Variants in MED15 observed in about 807,000 individuals in gnomAD.
The protein encoded by MED15 is mediator complex subunit 15, also known as mediator of RNA polymerase II transcription subunit 15.
In MED15, 41 loss-of-function variants were observed where a neutral mutation model predicts 118.7. The ratio of observed to expected loss-of-function variants is 0.35; its 90% confidence interval spans 0.27 to 0.45. The LOEUF (loss-of-function observed/expected upper bound fraction) is 0.45, where lower values mean the gene tolerates loss of function less well. Among genes scored for constraint, MED15 ranks in the 20% least tolerant of loss-of-function variants. The pLI is 1.00. For missense variants in MED15, 740 were observed against 1,025.5 expected (o/e 0.72, Z 3.80); for synonymous variants, 436 against 413.9 (o/e 1.05, Z -0.65).
chr22:20,546,971 T>C (rs1261223571), intron 2 of MED15, among the ~76,000 whole-genome samples: 1 of 152,164 alleles, frequency 6.6e-6, no homozygotes, highest in Admixed American at 6.5e-5. Context: ...GTTTTTGAAA[T>C]AACAGCAACA....
chr22:20,562,928 C>T (rs550571526), intron 5 of MED15, among the ~76,000 whole-genome samples: 5 of 151,204 alleles, frequency 3.3e-5, no homozygotes, highest in South Asian at 2.1e-4. Context: ...TCCAGCTACT[C>T]GGGAGGCTGA....
In MED15 at chr22:20,553,168, G is replaced by T. The variant is rs761336657; in HGVS notation, c.232G>T (p.Val78Phe). The change falls in exon 4 of 18, where the codon GTC (valine) becomes TTC (phenylalanine). Residue 78 changes from valine (V) to phenylalanine (F), a missense_variant. Around this residue, in one of 7 missense-constraint regions of MED15, gnomAD observed 117 missense variants for 124.6 expected, o/e 0.94. Coordinates refer to ENST00000263205, the MANE Select transcript of MED15 (RefSeq NM_001003891.3). ...AGATAACAAGAAATCTCAAGCTTCCGTCAGTGGTAAGAGTTTTCCCTTTTG... is the reference window on the plus strand; with the variant it reads ...AGATAACAAGAAATCTCAAGCTTCCTTCAGTGGTAAGAGTTTTCCCTTTTG... ...DIHNKKSQAS[V>F]SDPMNALQSL... is the part of the protein sequence containing the mutation. 1 of 1,611,754 alleles carries T rather than the reference G, an allele frequency of 6.2e-7. No homozygotes were observed. Among genetic ancestry groups the T allele is most frequent in the Non-Finnish European group, 8.5e-7 (1 of 1,178,786 alleles).
rs757798198 is a variant in MED15 at position 20,551,454 on chromosome 22, G to A, written c.175G>A (p.Val59Met). The change falls in exon 3 of 18, where the codon GTG becomes ATG. Residue 59 changes from valine to methionine, a missense_variant. Around this residue, in one of 7 missense-constraint regions of MED15, gnomAD observed 33 missense variants for 78.2 expected, o/e 0.42. Transcript: ENST00000263205. ...CTTTTAGGACGAATACCTTTCTCTC[G>A]TGGCCAGGCTCATTATCCATTTTCG... is the stretch of plus-strand genomic sequence containing the variant. ...AKTRDEYLSL[V>M]ARLIIHFRDI... 6 of 1,614,102 alleles carry A rather than the reference G, an allele frequency of 3.7e-6. No homozygotes were observed. The highest frequency in any genetic ancestry group is 5.1e-6 in the Non-Finnish European group (6 of 1,179,982).
At chr22:20,584,776 A>G (rs2057084670) in intron 14 of MED15, 79 bp from the exon 15 acceptor site, 2 of 1,537,780 alleles carry the variant, frequency 1.3e-6, no homozygotes, top group South Asian at 2.3e-5. Flanking sequence ...GTGAGTGACC[A>G]TGGGCCTGGG....
intron 2 of MED15, among the ~76,000 whole-genome samples, chr22:20,550,615 C>T (rs1471695938): frequency 6.6e-6 from 1 of 152,238 alleles, no homozygotes; most frequent in Admixed American, 6.5e-5. Context: ...TCCAGGCTGC[C>T]CTGCCAGAAG....
At chr22:20,531,835 G>A (rs1350871105) in intron 1 of MED15, among the ~76,000 whole-genome samples, 1 of 152,244 alleles carries the variant, frequency 6.6e-6, no homozygotes, top group Non-Finnish European at 1.5e-5. Flanking sequence ...CACAGACATG[G>A]GTGAGGTGGC....
At chr22:20,585,994 T>G (rs897406421) in intron 17 of MED15, among the ~76,000 whole-genome samples, 168 bp downstream of exon 17, 1 of 152,206 alleles carries the variant, frequency 6.6e-6, no homozygotes, top group African/African-American at 2.4e-5. Flanking sequence ...GCAGCGGGTT[T>G]TCCAGTGGTC....
intron 1 of MED15, among the ~76,000 whole-genome samples, chr22:20,527,647 G>T (rs1352347741): frequency 6.6e-6 from 1 of 151,902 alleles, no homozygotes; most frequent in Non-Finnish European, 1.5e-5. Context: ...TTGTGATGTT[G>T]CCCAGGCTGG....
Position 20,537,181 on chromosome 22 carries a change from G to A in MED15, c.133G>A (p.Val45Ile). ...ATCCAGCAAGGATATGGAGAGCCATGTTTTCCTGAAGGCCAAGACCCGGGT... is the reference window on the plus strand; with the variant it reads ...ATCCAGCAAGGATATGGAGAGCCATATTTTCCTGAAGGCCAAGACCCGGGT... ...SKSSKDMESH[V>I]FLKAKTRDEY... Residue 45 changes from valine (V) to isoleucine (I), a missense_variant, in exon 2 of 18, where the codon GTT (valine) becomes ATT (isoleucine). Transcript: ENST00000263205. 3 of 1,613,898 alleles carry A rather than the reference G, an allele frequency of 1.9e-6. No homozygotes were observed. Among genetic ancestry groups the A allele is most frequent in the Non-Finnish European group, 2.5e-6 (3 of 1,179,860 alleles).
chr22:20,553,319 G>A, intron 4 of MED15, 145 bp downstream of exon 4: 1 of 809,976 alleles, frequency 1.2e-6, no homozygotes, highest in South Asian at 1.7e-5. Flanking sequence ...GGAGGAGGCT[G>A]ACCAGCTGTG....
intron 6 of MED15, among the ~76,000 whole-genome samples, chr22:20,565,801 C>G (rs1399704017): frequency 2.0e-5 from 3 of 152,246 alleles, no homozygotes; most frequent in African/African-American, 7.2e-5. Context: ...AGCTTTTATC[C>G]TAGCTTCCAT....
intron 5 of MED15, among the ~76,000 whole-genome samples, chr22:20,558,357 C>CAGAGCCAGGG (rs1333771665): frequency 2.6e-5 from 4 of 151,996 alleles, no homozygotes; most frequent in Non-Finnish European, 2.9e-5. Context: ...TTGCCAGGGA[C>CAGAGCCAGGG]TCTCAAAGGG....
chr22:20,569,521 G>A (rs2056566116), intron 8 of MED15, among the ~76,000 whole-genome samples: 1 of 152,326 alleles, frequency 6.6e-6, no homozygotes, highest in East Asian at 1.9e-4. Context: ...GGCCTGCTGG[G>A]CGCAGCGCCT....
chr22:20,507,973 G>T, intron 1 of MED15: 1 of 1,435,792 alleles, frequency 7.0e-7, no homozygotes, highest in Non-Finnish European at 9.1e-7. Flanking sequence ...ACGAGCCCTG[G>T]CTTATGAATC....
chr22:20,546,286 G>A (rs2055532746), intron 2 of MED15, among the ~76,000 whole-genome samples: 1 of 152,140 alleles, frequency 6.6e-6, no homozygotes, highest in South Asian at 2.1e-4. Context: ...GGAGAGCAGA[G>A]AGGGTGCCGT....
At chr22:20,524,235 C>G (rs1337350666) in intron 1 of MED15, 1 of 152,142 alleles carries the variant, frequency 6.6e-6, no homozygotes, top group Admixed American at 6.6e-5. Context: ...ACTGAACAAT[C>G]GGTATCTCAT....
intron 1 of MED15, among the ~76,000 whole-genome samples, chr22:20,521,487 C>G (rs1009275215): frequency 3.3e-5 from 5 of 151,526 alleles, no homozygotes; most frequent in Non-Finnish European, 7.4e-5. Flanking sequence ...AGCTCTGCCT[C>G]CCGGGTTCAC....
intron 9 of MED15, 59 bp from the exon 10 acceptor site, chr22:20,582,552 G>A (rs1423394238): frequency 3.3e-6 from 5 of 1,534,972 alleles, no homozygotes; most frequent in Non-Finnish European, 4.4e-6. Context: ...TGGGCAGGTG[G>A]TGTGGAGGCA....
At chr22:20,511,274 G>C (rs1191856130) in intron 1 of MED15, among the ~76,000 whole-genome samples, 1 of 152,070 alleles carries the variant, frequency 6.6e-6, no homozygotes, top group Non-Finnish European at 1.5e-5. Flanking sequence ...ACCCTGGGAG[G>C]CTGAGATCTG....
Sources: gnomAD v4.1 joint callset for allele counts (sites outside exome capture counted in the v4.1 genomes callset) on GRCh38, gnomAD v4.1.1 for gene constraint, gnomAD v4.1.1 regional missense constraint, MANE v1.5 for transcripts, NCBI Gene and HGNC (gene_info 2026-07-23, HGNC 2026-07-21) for gene names.